The following ADAMTS6 variants were observed in gnomAD, a reference collection of about 807,000 sequenced individuals.
ADAMTS6 encodes ADAM metallopeptidase with thrombospondin type 1 motif 6.
A neutral mutation model predicts 144.3 loss-of-function variants in ADAMTS6; 23 were observed. The observed-to-expected ratio is 0.16, with a 90% CI of 0.11 to 0.23. ADAMTS6 has a LOEUF of 0.23. Among genes scored for constraint, ADAMTS6 ranks in the 10% least tolerant of loss-of-function variants. The probability of loss-of-function intolerance (pLI) is 1.00; values close to 1 mark genes in which losing one functional copy is unlikely to be tolerated. For synonymous variants in ADAMTS6, 444 were observed against 457.5 expected, an observed-to-expected ratio of 0.97 and a Z score of 0.38; for missense variants, 999 against 1,379.6, an observed-to-expected ratio of 0.72 and a Z score of 4.37.
At chr5:65,420,128 A>G (rs1377555781) in intron 7 of ADAMTS6, among the ~76,000 whole-genome samples, 2 of 152,166 alleles carry the variant, frequency 1.3e-5, no homozygotes, top group Non-Finnish European at 2.9e-5. Context: ...TGCCAAGCAA[A>G]GGGTGAAAAG....
chr5:65,398,814 A>G (rs10471659), intron 7 of ADAMTS6, among the ~76,000 whole-genome samples: 4 of 132,204 alleles, frequency 3.0e-5, no homozygotes, highest in African/African-American at 1.5e-4. Flanking sequence ...GAAAGAAAGA[A>G]AGAAAGAAAG....
At chr5:65,319,869 GT>G (rs1745423117) in intron 9 of ADAMTS6, among the ~76,000 whole-genome samples, 1 of 152,064 alleles carries the variant, frequency 6.6e-6, no homozygotes, top group South Asian at 2.1e-4. Context: ...CTGAGAAGGA[GT>G]TTCACTCTTG....
intron 14 of ADAMTS6, among the ~76,000 whole-genome samples, chr5:65,244,368 C>T (rs530999196): frequency 3.9e-5 from 6 of 152,166 alleles, no homozygotes; most frequent in South Asian, 2.1e-4. Context: ...TCATGAAGGC[C>T]GTTCGCTTAA....
intron 7 of ADAMTS6, among the ~76,000 whole-genome samples, chr5:65,418,128 C>T (rs1048351827): frequency 6.6e-6 from 1 of 152,068 alleles, no homozygotes; most frequent in Non-Finnish European, 1.5e-5. Flanking sequence ...AAAAGGACTC[C>T]CTATTCAATA....
Position 65,318,919 on chromosome 5 carries a change from G to C in ADAMTS6, c.1223+10459C>G, listed in dbSNP as rs1311584497. Among the ~76,000 whole-genome samples the C allele has an allele frequency of 2.0e-5, 3 of 152,156 alleles. No homozygotes were observed. In the East Asian group the frequency reaches 5.8e-4, roughly 29 times the overall value. ...TGTAATACAAAGGATACATGCTTGA[G>C]GGGTTGGATACCAAAATTCTCCATG... On this transcript the variant is annotated intron_variant, in intron 9 of 24. Coordinates refer to ENST00000381055, the MANE Select transcript of ADAMTS6 (RefSeq NM_197941.4).
At chr5:65,171,296 A>G (rs1753613563) in intron 23 of ADAMTS6, among the ~76,000 whole-genome samples, 1 of 152,194 alleles carries the variant, frequency 6.6e-6, no homozygotes, top group African/African-American at 2.4e-5. Context: ...GGTGTGAGCC[A>G]TCGCGCCTGG....
chr5:65,333,401 A>G (rs1746967573), intron 8 of ADAMTS6, among the ~76,000 whole-genome samples: 1 of 150,432 alleles, frequency 6.6e-6, no homozygotes, highest in African/African-American at 2.5e-5. Context: ...TAAAAAGACA[A>G]ATGACCCTTA....
intron 22 of ADAMTS6, among the ~76,000 whole-genome samples, chr5:65,183,080 A>G (rs1754461016): frequency 6.6e-6 from 1 of 152,206 alleles, no homozygotes; most frequent in Admixed American, 6.5e-5. Flanking sequence ...AAAAATAGTA[A>G]AGGCACAGAA....
At chr5:65,410,658 G>C (rs1356922423) in intron 7 of ADAMTS6, among the ~76,000 whole-genome samples, 1 of 151,984 alleles carries the variant, frequency 6.6e-6, no homozygotes, top group East Asian at 1.9e-4. Flanking sequence ...GAAATTTTGT[G>C]TCCTATGATC....
chr5:65,164,339 G>A lies in ADAMTS6; in HGVS notation c.3244+6278C>T, dbSNP rs56277471. 9.6e-3 allele frequency among the ~76,000 whole-genome samples: 1,456 copies of A among 152,272 alleles called. 19 individuals carry two copies. Among genetic ancestry groups the A allele is most frequent in the African/African-American group, 0.033 (1,367 of 41,542 alleles). ...TTTTCAGACCGGCTTAAAAAACGGCGCACCAGGAGATTATATCCCGCACCT... is the reference window on the plus strand; with the variant it reads ...TTTTCAGACCGGCTTAAAAAACGGCACACCAGGAGATTATATCCCGCACCT... On this transcript the variant is annotated intron_variant, in intron 24 of 24. Coordinates refer to ENST00000381055, the MANE Select transcript of ADAMTS6 (RefSeq NM_197941.4).
intron 7 of ADAMTS6, among the ~76,000 whole-genome samples, chr5:65,403,936 A>C (rs1302952349): frequency 6.6e-6 from 1 of 152,080 alleles, no homozygotes; most frequent in Non-Finnish European, 1.5e-5. Flanking sequence ...CATAGAATGC[A>C]CAGAAAAAAA....
intron 7 of ADAMTS6, among the ~76,000 whole-genome samples, chr5:65,340,122 G>C (rs1481437463): frequency 6.6e-6 from 1 of 151,938 alleles, no homozygotes; most frequent in Admixed American, 6.6e-5. Context: ...AAAGCAATGA[G>C]AGAAAAGTGT....
Position 65,149,342 on chromosome 5 carries a change from G to A in ADAMTS6, c.*2494C>T, listed in dbSNP as rs1282913123. ...TACAGAGTAGCAGCAGTATTGTGAT[G>A]TGCTATGAAATAGAATTGTTTTAAC... On this transcript the variant is annotated 3_prime_UTR_variant, in exon 25 of 25. Transcript: ENST00000381055. 1 of 152,244 alleles carries A rather than the reference G, an allele frequency of 6.6e-6. No homozygotes were observed. Among genetic ancestry groups the A allele is most frequent in the Non-Finnish European group, 1.5e-5 (1 of 68,040 alleles). The allele number at this position is 152,244 out of a possible 1,614,324, so 9.4% of individuals were successfully genotyped here. A position where few individuals can be genotyped will look rare whatever the true frequency, so the allele number is the denominator to read the frequency against.
intron 9 of ADAMTS6, among the ~76,000 whole-genome samples, chr5:65,324,505 TATC>T (rs199852626): frequency 0.011 from 1,689 of 151,988 alleles, 29 homozygotes; most frequent in African/African-American, 0.038. Context: ...GATGAGAAAA[TATC>T]ATGATATATA....
rs192177107 is a variant in ADAMTS6, at chr5:65,473,326, C to A, written c.97+251G>T. On this transcript the variant is annotated intron_variant, in intron 2 of 24. Transcript: ENST00000381055. ...AGTTTAAGTTTCAGAAGAACAAGGC[C>A]TGGGGTCTATCATTTTCCAAGAAAG... Among the ~76,000 whole-genome samples the A allele has an allele frequency of 2.6e-5, 4 of 152,134 alleles. No homozygotes were observed. In the East Asian group the frequency reaches 7.7e-4, roughly 29 times the overall value.
rs79464695 is a variant in ADAMTS6, at chr5:65,328,011, A to AG, written c.1223+1366dup. Reference sequence around the variant, plus strand: ...GAATTAAAGATAAACTGCTTGGTTAAGGGGGGGCTTTTCCTTTTATTCACC... The same window carrying AG: ...GAATTAAAGATAAACTGCTTGGTTAAGGGGGGGGCTTTTCCTTTTATTCACC... On this transcript the variant is annotated intron_variant, in intron 9 of 24. Coordinates refer to ENST00000381055, the MANE Select transcript of ADAMTS6 (RefSeq NM_197941.4). 9.9e-5 allele frequency among the ~76,000 whole-genome samples: 15 copies of AG among 152,054 alleles called. 1 individual carries two copies. Among genetic ancestry groups the AG allele is most frequent in the African/African-American group, 2.2e-4 (9 of 41,400 alleles).
At chr5:65,404,934 A>C (rs915369584) in intron 7 of ADAMTS6, among the ~76,000 whole-genome samples, 30 of 152,178 alleles carry the variant, frequency 2.0e-4, no homozygotes, top group Non-Finnish European at 3.2e-4. Context: ...TTGGCTGCAT[A>C]AATGTCTTCT....
chr5:65,188,032 G>A lies in ADAMTS6; in HGVS notation c.2894C>T (p.Ala965Val). Reference sequence around the variant, plus strand: ...TTTCCTTACCTCAGACCAGTCCAAAGCCACCCACTGTGGTGGACATGACTG... The same window carrying A: ...TTTCCTTACCTCAGACCAGTCCAAAACCACCCACTGTGGTGGACATGACTG... ...NNQSCPPQWV[A>V]LDWSECTPKC... The change falls in exon 22 of 25, where the codon GCT becomes GTT. Residue 965 changes from alanine to valine, a missense_variant. This residue lies in a region of ADAMTS6 where 619 missense variants were observed against 837.0 expected (regional missense o/e 0.74). Transcript: ENST00000381055. 6.2e-7 allele frequency: 1 copy of A among 1,614,092 alleles called. No homozygotes were observed. Among genetic ancestry groups the A allele is most frequent in the Non-Finnish European group, 8.5e-7 (1 of 1,179,992 alleles).
At chr5:65,371,145 G>A (rs1750859113) in intron 7 of ADAMTS6, among the ~76,000 whole-genome samples, 1 of 152,120 alleles carries the variant, frequency 6.6e-6, no homozygotes, top group African/African-American at 2.4e-5. Flanking sequence ...AAGACCAAAA[G>A]TAGATAAAAC....
Sources: allele counts gnomAD v4.1 joint callset (sites outside exome capture counted in the v4.1 genomes callset), GRCh38; gene constraint gnomAD v4.1.1; regional missense constraint gnomAD v4.1.1; transcripts MANE v1.5; gene names NCBI Gene and HGNC (gene_info 2026-07-23, HGNC 2026-07-21).